The following YAP1 variants were observed in gnomAD, a reference collection of about 807,000 sequenced individuals.
YAP1 encodes the protein Yes1 associated transcriptional regulator.
A neutral mutation model predicts 56.9 loss-of-function variants in YAP1; 5 were observed. The ratio of observed to expected loss-of-function variants is 0.09; its 90% CI spans 0.05 to 0.18. The LOEUF (loss-of-function observed/expected upper bound fraction) is 0.18. YAP1 is among the 10% of genes least tolerant of loss of function. The pLI is 1.00. For synonymous variants in YAP1, 265 were observed against 248.1 expected, an observed-to-expected ratio of 1.07 and a Z score of -0.64; for missense variants, 539 against 651.8, an observed-to-expected ratio of 0.83 and a Z score of 1.88.
At chr11:102,217,007 C>T (rs1363350152) in intron 6 of YAP1, among the ~76,000 whole-genome samples, 6 of 152,310 alleles carry the variant, frequency 3.9e-5, no homozygotes, top group Non-Finnish European at 7.3e-5. Context: ...GGAGTCAGAG[C>T]TATCTACGCT....
At position 102,158,474 on chromosome 11, in the gene YAP1, A is replaced by G. The variant is rs1183139240; in HGVS notation, c.573-3982A>G. On this transcript the variant is annotated intron_variant, in intron 2 of 8. Transcript: ENST00000282441. ...AACGAACATACAGAGGATCTCATTA[A>G]ACTATAGATTCTTCATCAGTGGGTT... is the stretch of plus-strand genomic sequence containing the variant. Among the ~76,000 whole-genome samples the G allele has an allele frequency of 5.3e-5, 8 of 152,188 alleles. No homozygotes were observed. The East Asian group carries it at 1.5e-3, about 29-fold the overall frequency.
intron 6 of YAP1, among the ~76,000 whole-genome samples, chr11:102,211,095 A>G (rs1949383799): frequency 6.6e-6 from 1 of 152,204 alleles, no homozygotes; most frequent in Admixed American, 6.5e-5. Context: ...ATGATAAATG[A>G]AATAGAAACT....
chr11:102,124,151 C>T (rs890474507), intron 2 of YAP1, among the ~76,000 whole-genome samples: 73 of 151,528 alleles, frequency 4.8e-4, no homozygotes, highest in African/African-American at 1.7e-3. Flanking sequence ...CGGGGTTTCA[C>T]CATGTTGGCC....
In YAP1 at chr11:102,133,830, C is replaced by T. The variant is rs955567684; in HGVS notation, c.572+19436C>T. Among the ~76,000 whole-genome samples, 5 of 152,260 alleles carry T rather than the reference C, an allele frequency of 3.3e-5. No homozygotes were observed. The East Asian group carries it at 5.8e-4, about 18-fold the overall frequency. On this transcript the variant is annotated intron_variant, in intron 2 of 8. Transcript: ENST00000282441. ...AATACTGTAGACGGAGTGGCCCAAA[C>T]GAGAGAAATTTATTTCTTATAGTTT... is the stretch of plus-strand genomic sequence containing the variant.
intron 6 of YAP1, among the ~76,000 whole-genome samples, chr11:102,211,907 G>A (rs1468547547): frequency 1.3e-5 from 2 of 152,128 alleles, no homozygotes; most frequent in African/African-American, 4.8e-5. Flanking sequence ...GTTTCACCAT[G>A]TTATCCAGGA....
At chr11:102,135,949 C>T (rs1285555005) in intron 2 of YAP1, among the ~76,000 whole-genome samples, 1 of 152,120 alleles carries the variant, frequency 6.6e-6, no homozygotes, top group Non-Finnish European at 1.5e-5. Context: ...CACAGTTTAT[C>T]CATTCTGTCA....
intron 2 of YAP1, 50 bp from the exon 3 acceptor site, chr11:102,162,406 T>G: frequency 1.3e-6 from 2 of 1,538,572 alleles, no homozygotes; most frequent in South Asian, 1.1e-5. Flanking sequence ...TAAGAATTGT[T>G]TTTGGAACCT....
At chr11:102,188,733 T>C (rs955789839) in intron 4 of YAP1, among the ~76,000 whole-genome samples, 2 of 152,220 alleles carry the variant, frequency 1.3e-5, no homozygotes, top group African/African-American at 4.8e-5. Context: ...TTTGTGTAAG[T>C]ACTCTCTAAG....
chr11:102,214,278 A>G (rs1949559068), intron 6 of YAP1, among the ~76,000 whole-genome samples: 1 of 152,188 alleles, frequency 6.6e-6, no homozygotes, highest in African/African-American at 2.4e-5. Context: ...CTACTGAATA[A>G]TGTGTAGTTG....
Position 102,209,520 on chromosome 11 carries a change from A to G in YAP1, c.988A>G (p.Met330Val), listed in dbSNP as rs777949318. The G allele has an allele frequency of 2.4e-5, 38 of 1,606,890 alleles. No homozygotes were observed. Among genetic ancestry groups the G allele is most frequent in the Non-Finnish European group, 2.9e-5 (34 of 1,177,440 alleles). Residue 330 changes from methionine to valine, a missense_variant, in exon 6 of 9, where the codon ATG becomes GTG. Physicochemically the swap from Met to Val is conservative, Grantham distance 21 (BLOSUM62 1). This residue lies in a region of YAP1 where 414 missense variants were observed against 512.4 expected (regional missense o/e 0.81). Coordinates refer to ENST00000282441, the MANE Select transcript of YAP1 (RefSeq NM_001130145.3). ...LKQQELLRQAMRNINPSTANS... is the reference protein window; with the variant it reads ...LKQQELLRQAVRNINPSTANS... ...CCGTCTTATTTTTTACTCTTAGGCA[A>G]TGCGGAATATCAATCCCAGCACAGC...
intron 3 of YAP1, among the ~76,000 whole-genome samples, chr11:102,167,439 A>C (rs1335538160): frequency 6.6e-6 from 1 of 152,232 alleles, no homozygotes; most frequent in Admixed American, 6.5e-5. Context: ...TGTCCTTTGA[A>C]AGTTAAAATT....
chr11:102,220,214 GAGAAA>G (rs1476447528), intron 6 of YAP1, among the ~76,000 whole-genome samples: 2 of 151,622 alleles, frequency 1.3e-5, no homozygotes, highest in African/African-American at 4.8e-5. Flanking sequence ...TTTGGAGGAA[GAGAAA>G]AGAAAAGAAA....
intron 2 of YAP1, among the ~76,000 whole-genome samples, chr11:102,145,419 T>C (rs1945271662): frequency 6.6e-6 from 1 of 152,224 alleles, no homozygotes; most frequent in Non-Finnish European, 1.5e-5. Context: ...CTGATATGTA[T>C]GACCTGCCTC....
intron 7 of YAP1, among the ~76,000 whole-genome samples, chr11:102,226,619 AGT>A (rs1472488418): frequency 6.6e-6 from 1 of 152,200 alleles, no homozygotes; most frequent in Non-Finnish European, 1.5e-5. Context: ...AGCTTAGGAA[AGT>A]GTTCTATTTC....
rs1346989323 is a variant in YAP1 at position 102,230,092 on chromosome 11, C to T, written c.*152C>T. On this transcript the variant is annotated 3_prime_UTR_variant, in exon 9 of 9. Transcript: ENST00000282441. ...TACTTTAATCCTCTATTTTGCTCTTCCTTGTCCATTGCTGCTGTTAATGTA... is the reference window on the plus strand; with the variant it reads ...TACTTTAATCCTCTATTTTGCTCTTTCTTGTCCATTGCTGCTGTTAATGTA... 1 of 665,438 alleles carries T rather than the reference C, an allele frequency of 1.5e-6. No homozygotes were observed. The highest frequency in any genetic ancestry group is 2.6e-6 in the Non-Finnish European group (1 of 386,438). The allele number at this position is 665,438 out of a possible 1,614,324, so 41.2% of individuals were successfully genotyped here.
intron 4 of YAP1, among the ~76,000 whole-genome samples, chr11:102,191,872 C>T (rs192876730): frequency 0.011 from 1,743 of 152,142 alleles, 15 homozygotes; most frequent in Non-Finnish European, 0.018. Context: ...GGGGTTTTGC[C>T]GTGTTGCCCA....
At chr11:102,171,138 G>C (rs1946879116) in intron 3 of YAP1, among the ~76,000 whole-genome samples, 1 of 152,128 alleles carries the variant, frequency 6.6e-6, no homozygotes, top group African/African-American at 2.4e-5. Flanking sequence ...TTGGAGTAGA[G>C]AGAATGAGAA....
intron 7 of YAP1, among the ~76,000 whole-genome samples, chr11:102,225,842 TTG>T (rs1221614728): frequency 6.6e-6 from 1 of 152,202 alleles, no homozygotes; most frequent in African/African-American, 2.4e-5. Flanking sequence ...GTGGTGGTGA[TTG>T]TTAACCTCTT....
chr11:102,124,314 T>C (rs987428095), intron 2 of YAP1, among the ~76,000 whole-genome samples: 2 of 152,200 alleles, frequency 1.3e-5, no homozygotes, highest in African/African-American at 4.8e-5. Flanking sequence ...GGGATTTTAG[T>C]ATTTTGTTCT....
Sources: gnomAD v4.1 joint callset for allele counts (sites outside exome capture counted in the v4.1 genomes callset) on GRCh38, gnomAD v4.1.1 for gene constraint, gnomAD v4.1.1 regional missense constraint, MANE v1.5 for transcripts, NCBI Gene and HGNC (gene_info 2026-07-23, HGNC 2026-07-21) for gene names.